CCDC171: variants seen among roughly 807,000 people sequenced by gnomAD.
CCDC171 encodes coiled-coil domain-containing protein 171.
Under a neutral mutation model 168.2 loss-of-function variants are expected in CCDC171, and 177 were observed. The ratio of observed to expected loss-of-function variants is 1.05; its 90% CI spans 0.93 to 1.19. The LOEUF is 1.19. Ranked by LOEUF, CCDC171 falls within the 50% of genes most tolerant of loss-of-function variation. The pLI, the probability that CCDC171 is intolerant of heterozygous loss-of-function variation, is 0.00. For synonymous variants in CCDC171, 687 were observed against 540.8 expected (o/e 1.27, Z -3.75); for missense variants, 1,991 against 1,539.0 (o/e 1.29, Z -4.91).
chr9:15,940,926 C>A (rs142268357), intron 25 of CCDC171, among the ~76,000 whole-genome samples: 4 of 152,106 alleles, frequency 2.6e-5, no homozygotes, highest in African/African-American at 9.6e-5. Flanking sequence ...GCTATATGAT[C>A]TTGGGTGATT....
chr9:15,565,870 C>A (rs1299454552), intron 2 of CCDC171, among the ~76,000 whole-genome samples: 3 of 152,160 alleles, frequency 2.0e-5, no homozygotes, highest in Non-Finnish European at 4.4e-5. Flanking sequence ...TAGGTAGATT[C>A]TTAGGAGCAG....
intron 2 of CCDC171, among the ~76,000 whole-genome samples, chr9:15,570,767 A>G (rs2040160795): frequency 6.6e-6 from 1 of 152,204 alleles, no homozygotes; most frequent in Admixed American, 6.5e-5. Flanking sequence ...GTAGTGTTAA[A>G]ACTCTAGAGC....
rs372212971 is a variant in CCDC171, at chr9:15,821,168, G to C, written c.3268-25534G>C. On this transcript the variant is annotated intron_variant, in intron 21 of 25. Transcript: ENST00000380701. ...ATGGTAAAAACTCCCAATAAATTAG[G>C]TATTGATGGGATGTATCTCAAAATA... Among the ~76,000 whole-genome samples the C allele has an allele frequency of 7.7e-5, 9 of 117,330 alleles. 3 individuals carry two copies. In the South Asian group the frequency reaches 2.0e-3, roughly 26 times the overall value. The allele number at this position is 117,330 out of a possible 152,430, so 77.0% of individuals were successfully genotyped here. A position where few individuals can be genotyped will look rare whatever the true frequency, so the allele number is the denominator to read the frequency against.
intron 20 of CCDC171, among the ~76,000 whole-genome samples, chr9:15,782,933 T>G (rs1564397821): frequency 6.6e-6 from 1 of 152,172 alleles, no homozygotes; most frequent in African/African-American, 2.4e-5. Flanking sequence ...TGAGGCAACT[T>G]TCCTGTGTGT....
intron 24 of CCDC171, among the ~76,000 whole-genome samples, chr9:15,917,110 C>G (rs1824636972): frequency 6.6e-6 from 1 of 151,908 alleles, no homozygotes; most frequent in Non-Finnish European, 1.5e-5. Context: ...TGACACCTTT[C>G]TTTTGTATTA....
At chr9:15,652,291 A>G (rs73412252) in intron 7 of CCDC171, among the ~76,000 whole-genome samples, 4,213 of 152,278 alleles carry the variant, frequency 0.028, 203 homozygotes, top group African/African-American at 0.096. Context: ...TAATGAAAAG[A>G]TGAATCTTTT....
chr9:15,630,407 C>G lies in CCDC171; in HGVS notation c.822+6994C>G, dbSNP rs1217730016. ...TCTGATAAAACAGACTTTAAACCAA[C>G]AAAGATCAAAAGAGACAAAGAAGGC... is the stretch of plus-strand genomic sequence containing the variant. On this transcript the variant is annotated intron_variant, in intron 7 of 25. Coordinates refer to ENST00000380701, the MANE Select transcript of CCDC171 (RefSeq NM_173550.4). Among the ~76,000 whole-genome samples, 8 of 152,172 alleles carry G rather than the reference C, an allele frequency of 5.3e-5. No homozygotes were observed. The East Asian group carries it at 1.5e-3, about 29-fold the overall frequency.
intron 25 of CCDC171, among the ~76,000 whole-genome samples, chr9:15,962,503 T>A (rs1830442491): frequency 6.6e-6 from 1 of 152,214 alleles, no homozygotes; most frequent in African/African-American, 2.4e-5. Context: ...TAGCAATTTA[T>A]GAATGCCTGC....
intron 6 of CCDC171, among the ~76,000 whole-genome samples, chr9:15,617,460 T>C (rs1193526957): frequency 6.6e-6 from 1 of 150,900 alleles, no homozygotes; most frequent in Non-Finnish European, 1.5e-5. Flanking sequence ...CACTGCAAGC[T>C]CCGCCTCCTG....
chr9:15,919,840 A>T (rs1248635274), intron 24 of CCDC171, among the ~76,000 whole-genome samples: 1 of 151,606 alleles, frequency 6.6e-6, no homozygotes, highest in Non-Finnish European at 1.5e-5. Context: ...GTTTCAAAAC[A>T]TTTGTTTTTT....
chr9:16,069,999 ATCTG>A, the CCDC171 span, among the ~76,000 whole-genome samples: 515 of 152,100 alleles, frequency 3.4e-3, 12 homozygotes, highest in Non-Finnish European at 4.4e-4. Context: ...CTCCCTGTCC[ATCTG>A]TCTGTCTGTC....
intron 16 of CCDC171, 43 bp downstream of exon 16, chr9:15,729,841 G>A (rs754870860): frequency 4.6e-6 from 7 of 1,535,252 alleles, no homozygotes; most frequent in Admixed American, 2.0e-5. Flanking sequence ...GGGTTACTCA[G>A]TGTAACCATT....
intron 21 of CCDC171, among the ~76,000 whole-genome samples, chr9:15,796,573 C>A (rs1339039611): frequency 6.6e-6 from 1 of 152,168 alleles, no homozygotes; most frequent in Admixed American, 6.5e-5. Flanking sequence ...ATATATAGCT[C>A]AGTGCCTTTT....
chr9:15,852,496 A>G lies in CCDC171; in HGVS notation c.3468+3549A>G, dbSNP rs185441066. 2.7e-3 allele frequency among the ~76,000 whole-genome samples: 405 copies of G among 151,802 alleles called. 2 individuals are homozygous for G. The highest frequency in any genetic ancestry group is 9.4e-3 in the African/African-American group (389 of 41,508). On this transcript the variant is annotated intron_variant, in intron 23 of 25. Coordinates refer to ENST00000380701, the MANE Select transcript of CCDC171 (RefSeq NM_173550.4). Reference sequence around the variant, plus strand: ...TGGATACTAGAATCTTATTATATATATGAATTGAAAACATTTTCTCCCATC... The same window carrying G: ...TGGATACTAGAATCTTATTATATATGTGAATTGAAAACATTTTCTCCCATC...
At chr9:15,955,147 T>G (rs571330815) in intron 25 of CCDC171, among the ~76,000 whole-genome samples, 2 of 152,308 alleles carry the variant, frequency 1.3e-5, no homozygotes, top group South Asian at 4.1e-4. Context: ...CAGCCTGAGA[T>G]GTAAACTTAC....
chr9:15,632,804 G>A (rs967377400), intron 7 of CCDC171, among the ~76,000 whole-genome samples: 3 of 152,170 alleles, frequency 2.0e-5, no homozygotes, highest in African/African-American at 4.8e-5. Flanking sequence ...AAACAGTATG[G>A]TACTGGTACC....
intron 24 of CCDC171, among the ~76,000 whole-genome samples, chr9:15,890,907 G>T (rs780232060): frequency 4.6e-5 from 7 of 152,050 alleles, no homozygotes; most frequent in African/African-American, 1.7e-4. Context: ...AAACCAATTT[G>T]CTGTATTATA....
chr9:15,996,687 A>G lies in CCDC171; in HGVS notation n.369-23902A>G, dbSNP rs1832384194. Among the ~76,000 whole-genome samples, 5 of 152,118 alleles carry G rather than the reference A, an allele frequency of 3.3e-5. No individual in the cohort carries two copies. In the South Asian group the frequency reaches 8.3e-4, roughly 25 times the overall value. ...AGTATAATCTCATTTATCTATGGAC[A>G]TGTATGTCAATCTGGAAGGATATAC... On this transcript the variant is annotated intron_variant and non_coding_transcript_variant, in intron 3 of 9. Transcript: ENST00000486641.
intron 7 of CCDC171, among the ~76,000 whole-genome samples, chr9:15,656,410 G>T (rs1278487069): frequency 6.6e-6 from 1 of 151,970 alleles, no homozygotes; most frequent in East Asian, 1.9e-4. Flanking sequence ...ATGAAAGTGT[G>T]TGTCTCTACA....
Sources: gnomAD v4.1 joint callset for allele counts (sites outside exome capture counted in the v4.1 genomes callset) on GRCh38, gnomAD v4.1.1 for gene constraint, MANE v1.5 for transcripts, NCBI Gene and HGNC (gene_info 2026-07-23, HGNC 2026-07-21) for gene names.